RIT2: variants seen among roughly 807,000 people sequenced by gnomAD.
RIT2 encodes the protein Ras like without CAAX 2.
RIT2 carries 24 observed loss-of-function variants against 23.7 expected under a neutral mutation model. The observed-to-expected ratio is 1.01, with a 90% CI of 0.73 to 1.43. The LOEUF (loss-of-function observed/expected upper bound fraction) is 1.43, where lower values mean the gene tolerates loss of function less well. Ranked by LOEUF, RIT2 falls within the 40% of genes most tolerant of loss-of-function variation. The pLI is 0.00. For synonymous variants in RIT2, 107 were observed against 91.1 expected, an observed-to-expected ratio of 1.17 and a Z score of -0.99; for missense variants, 236 against 266.9, an observed-to-expected ratio of 0.88 and a Z score of 0.81.
At chr18:42,926,040 A>G (rs745813439) in intron 3 of RIT2, among the ~76,000 whole-genome samples, 48 of 151,860 alleles carry the variant, frequency 3.2e-4, no homozygotes, top group Non-Finnish European at 5.6e-4. Context: ...ATTCTTAAAC[A>G]TCCATATCAC....
chr18:42,882,703 C>T (rs1191965022), intron 4 of RIT2, among the ~76,000 whole-genome samples: 1 of 152,184 alleles, frequency 6.6e-6, no homozygotes, highest in African/African-American at 2.4e-5. Context: ...ATTTCCACTT[C>T]TGACAAATGG....
At chr18:42,863,212 C>G (rs1299170391) in intron 4 of RIT2, among the ~76,000 whole-genome samples, 1 of 152,096 alleles carries the variant, frequency 6.6e-6, no homozygotes, top group African/African-American at 2.4e-5. Context: ...AATAAATTAT[C>G]CATCCTTACT....
chr18:42,832,095 C>A (rs1433673113), intron 4 of RIT2, among the ~76,000 whole-genome samples: 1 of 152,116 alleles, frequency 6.6e-6, no homozygotes, highest in Non-Finnish European at 1.5e-5. Context: ...AGCTTCAGGG[C>A]AGGCAACAAC....
intron 1 of RIT2, among the ~76,000 whole-genome samples, chr18:43,083,508 C>T (rs555158248): frequency 4.6e-5 from 7 of 152,248 alleles, no homozygotes; most frequent in African/African-American, 9.6e-5. Context: ...ACCCAAACAG[C>T]GTGGTGCTCG....
chr18:42,894,757 T>C (rs1000007772), intron 4 of RIT2, among the ~76,000 whole-genome samples: 1 of 152,216 alleles, frequency 6.6e-6, no homozygotes, highest in Non-Finnish European at 1.5e-5. Flanking sequence ...AATTATACTG[T>C]AGTATGATAG....
chr18:43,084,601 A>C (rs1913238648), intron 1 of RIT2, among the ~76,000 whole-genome samples: 1 of 152,186 alleles, frequency 6.6e-6, no homozygotes, highest in Non-Finnish European at 1.5e-5. Flanking sequence ...ATGAAGCTGG[A>C]AACCATCATT....
At chr18:43,048,261 T>C (rs1002882943) in intron 1 of RIT2, among the ~76,000 whole-genome samples, 2 of 152,222 alleles carry the variant, frequency 1.3e-5, no homozygotes, top group Non-Finnish European at 2.9e-5. Context: ...ATACTAGTGT[T>C]AAACATGACA....
At chr18:43,044,009 A>T (rs1377566513) in intron 1 of RIT2, among the ~76,000 whole-genome samples, 1 of 152,088 alleles carries the variant, frequency 6.6e-6, no homozygotes, top group African/African-American at 2.4e-5. Context: ...GCAGAACAGC[A>T]CCCAGCACCT....
At chr18:42,826,642 G>A (rs1280754469) in intron 4 of RIT2, among the ~76,000 whole-genome samples, 6 of 151,820 alleles carry the variant, frequency 4.0e-5, no homozygotes, top group African/African-American at 7.3e-5. Context: ...CAGGCAGTAC[G>A]TTCAGATGAA....
intron 1 of RIT2, among the ~76,000 whole-genome samples, chr18:43,047,198 C>G (rs962779752): frequency 1.3e-5 from 2 of 151,922 alleles, no homozygotes; most frequent in African/African-American, 4.8e-5. Context: ...ATATTCATGG[C>G]TATTGTGCTT....
intron 4 of RIT2, among the ~76,000 whole-genome samples, chr18:42,856,824 TCTC>T (rs1375519576): frequency 3.0e-5 from 4 of 135,432 alleles, no homozygotes; most frequent in Non-Finnish European, 4.6e-5. Flanking sequence ...TTTCTCTCTC[TCTC>T]TTTTTTTTTT....
At chr18:42,840,873 C>T (rs538371813) in intron 4 of RIT2, among the ~76,000 whole-genome samples, 1 of 152,174 alleles carries the variant, frequency 6.6e-6, no homozygotes, top group Non-Finnish European at 1.5e-5. Context: ...AGACATTCAG[C>T]AATTTGCTTG....
At chr18:42,832,177 A>T (rs1326969953) in intron 4 of RIT2, among the ~76,000 whole-genome samples, 1 of 152,242 alleles carries the variant, frequency 6.6e-6, no homozygotes, top group African/African-American at 2.4e-5. Flanking sequence ...ATCGATAGAG[A>T]GGCAGCTTAT....
At chr18:43,077,020 G>C (rs888434763) in intron 1 of RIT2, among the ~76,000 whole-genome samples, 23 of 147,596 alleles carry the variant, frequency 1.6e-4, no homozygotes, top group Admixed American at 8.9e-4. Context: ...GGAGAATGGC[G>C]TGAACCCGGG....
At chr18:42,854,431 T>C (rs1409555484) in intron 4 of RIT2, among the ~76,000 whole-genome samples, 2 of 152,140 alleles carry the variant, frequency 1.3e-5, no homozygotes, top group Admixed American at 1.3e-4. Flanking sequence ...AGAGGCAAAA[T>C]TCCACCTCAC....
At chr18:42,974,193 G>A (rs780536747) in intron 2 of RIT2, 46 bp from the exon 3 acceptor site, 43 of 1,314,466 alleles carry the variant, frequency 3.3e-5, no homozygotes, top group Non-Finnish European at 4.3e-5. Context: ...GACAGGAAAG[G>A]CATTATTAAT....
intron 4 of RIT2, among the ~76,000 whole-genome samples, chr18:42,775,524 G>A (rs948180638): frequency 2.6e-5 from 4 of 151,852 alleles, no homozygotes; most frequent in Non-Finnish European, 4.4e-5. Context: ...GTGAAGCCCC[G>A]TCTCTACTAA....
chr18:42,817,610 G>A (rs866569750), intron 4 of RIT2, among the ~76,000 whole-genome samples: 1 of 152,050 alleles, frequency 6.6e-6, no homozygotes, highest in African/African-American at 2.4e-5. Context: ...AATTTTTGAT[G>A]AGTGTCGCTT....
At chr18:43,055,314 C>T in intron 1 of RIT2, among the ~76,000 whole-genome samples, 1 of 152,122 alleles carries the variant, frequency 6.6e-6, no homozygotes, top group East Asian at 1.9e-4. Flanking sequence ...GACGTGGCCT[C>T]TGGGAGAGCT....
Sources: gnomAD v4.1 joint callset for allele counts (sites outside exome capture counted in the v4.1 genomes callset) on GRCh38, gnomAD v4.1.1 for gene constraint, MANE v1.5 for transcripts, NCBI Gene and HGNC (gene_info 2026-07-23, HGNC 2026-07-21) for gene names.